The following BIN3 variants were observed in gnomAD, a reference collection of about 807,000 sequenced individuals.
The protein encoded by BIN3 is bridging integrator 3.
Under a neutral mutation model 38.2 loss-of-function variants are expected in BIN3, and 41 were observed. The observed-to-expected ratio is 1.07, with a 90% CI of 0.84 to 1.39. The LOEUF is 1.39. Among genes scored for constraint, BIN3 ranks in the 40% most tolerant of loss-of-function variants. The pLI is 0.00. For synonymous variants in BIN3, 145 were observed against 122.6 expected, an observed-to-expected ratio of 1.18 and a Z score of -1.21; for missense variants, 361 against 324.3, an observed-to-expected ratio of 1.11 and a Z score of -0.87.
intron 1 of BIN3, among the ~76,000 whole-genome samples, chr8:22,660,529 C>T (rs1803198758): frequency 1.3e-5 from 2 of 152,180 alleles, no homozygotes; most frequent in South Asian, 4.1e-4. Flanking sequence ...AGTTTGGCCC[C>T]TAGAAAGCAA....
intron 1 of BIN3, among the ~76,000 whole-genome samples, chr8:22,653,826 A>G (rs2117581156): frequency 6.6e-6 from 1 of 150,548 alleles, no homozygotes; most frequent in South Asian, 2.1e-4. Flanking sequence ...CTGAGGCTGA[A>G]GCTTTGTAAG....
chr8:22,645,460 C>G (rs778848634), intron 1 of BIN3, among the ~76,000 whole-genome samples: 9 of 150,330 alleles, frequency 6.0e-5, no homozygotes, highest in Non-Finnish European at 1.2e-4. Context: ...CTAGCCTGGG[C>G]AACAGAGGGA....
chr8:22,640,895 A>G (rs572508337), intron 2 of BIN3, among the ~76,000 whole-genome samples: 1 of 152,194 alleles, frequency 6.6e-6, no homozygotes, highest in African/African-American at 2.4e-5. Context: ...CGCGTTTTCT[A>G]CTTGGTGCCG....
At chr8:22,656,064 G>C (rs1370601032) in intron 1 of BIN3, among the ~76,000 whole-genome samples, 1 of 152,004 alleles carries the variant, frequency 6.6e-6, no homozygotes, top group Admixed American at 6.5e-5. Context: ...CACTAGCTGT[G>C]TGCTCTCACC....
chr8:22,631,320 C>T (rs1312304558), intron 4 of BIN3, among the ~76,000 whole-genome samples: 2 of 152,142 alleles, frequency 1.3e-5, no homozygotes, highest in East Asian at 3.8e-4. Flanking sequence ...CAGGGCCCTC[C>T]TCCCGGGTCT....
chr8:22,633,141 G>A (rs1233077993), intron 4 of BIN3, among the ~76,000 whole-genome samples: 1 of 152,206 alleles, frequency 6.6e-6, no homozygotes, highest in Non-Finnish European at 1.5e-5. Flanking sequence ...CGCTTCATGT[G>A]AGCAGAGCAG....
At chr8:22,655,000 T>G (rs1005285382) in intron 1 of BIN3, among the ~76,000 whole-genome samples, 1 of 152,270 alleles carries the variant, frequency 6.6e-6, no homozygotes, top group Non-Finnish European at 1.5e-5. Flanking sequence ...CTTTTTCATT[T>G]TAGCCATCCT....
At chr8:22,645,603 CCGCG>C (rs1482570672) in intron 1 of BIN3, among the ~76,000 whole-genome samples, 71 of 134,846 alleles carry the variant, frequency 5.3e-4, no homozygotes, top group African/African-American at 2.5e-3. Flanking sequence ...GGGAAGACAC[CCGCG>C]AGGATGGCAG....
intron 2 of BIN3, among the ~76,000 whole-genome samples, chr8:22,640,235 T>A (rs1802504030): frequency 6.6e-6 from 1 of 151,890 alleles, no homozygotes; most frequent in Middle Eastern, 3.4e-3. Context: ...TGGAGCGCGG[T>A]GGCACAATCT....
chr8:22,651,402 C>T (rs895314588), intron 1 of BIN3, among the ~76,000 whole-genome samples: 1 of 152,246 alleles, frequency 6.6e-6, no homozygotes, highest in African/African-American at 2.4e-5. Flanking sequence ...TCAGCACCAG[C>T]TGTCCCTTCA....
chr8:22,667,619 C>T (rs964439448), intron 1 of BIN3, among the ~76,000 whole-genome samples: 3 of 152,194 alleles, frequency 2.0e-5, no homozygotes, highest in Admixed American at 6.5e-5. Flanking sequence ...TGCCGCTTTG[C>T]CCACCACTAA....
At chr8:22,660,477 A>G (rs1453888848) in intron 1 of BIN3, among the ~76,000 whole-genome samples, 1 of 152,214 alleles carries the variant, frequency 6.6e-6, no homozygotes, top group East Asian at 1.9e-4. Context: ...ATCAGCAATT[A>G]TAAAGAGCTC....
intron 2 of BIN3, among the ~76,000 whole-genome samples, chr8:22,638,909 GC>G (rs1802453327): frequency 6.6e-6 from 1 of 152,130 alleles, no homozygotes; most frequent in Non-Finnish European, 1.5e-5. Flanking sequence ...TCCAGCAAAA[GC>G]TACTCGTAAG....
chr8:22,633,547 A>G (rs890904602), intron 4 of BIN3, among the ~76,000 whole-genome samples: 1 of 152,222 alleles, frequency 6.6e-6, no homozygotes, highest in Non-Finnish European at 1.5e-5. Context: ...AGCACTCTGA[A>G]AGTAGTATGA....
chr8:22,624,797 C>G, intron 6 of BIN3: 1 of 194,648 alleles, frequency 5.1e-6, no homozygotes, highest in Non-Finnish European at 1.0e-5. Flanking sequence ...CAACACCTCA[C>G]TTTTAAAAAG....
In BIN3 at chr8:22,636,941, C is replaced by T; in HGVS notation, c.79G>A (p.Glu27Lys). 2 of 1,613,244 alleles carry T rather than the reference C, an allele frequency of 1.2e-6. No homozygotes were observed. Among genetic ancestry groups the T allele is most frequent in the Non-Finnish European group, 1.7e-6 (2 of 1,179,258 alleles). Residue 27 changes from glutamate to lysine, a missense_variant, in exon 3 of 9, where the codon GAG becomes AAG. Coordinates refer to ENST00000276416, the MANE Select transcript of BIN3 (RefSeq NM_018688.6). Reference sequence around the variant, plus strand: ...ACTCACTGCTGAAGTTTTCCATACTCCCTTTCAAAGTCTCTCTCCACCTGA... The same window carrying T: ...ACTCACTGCTGAAGTTTTCCATACTTCCTTTCAAAGTCTCTCTCCACCTGA... ...PKTVERDFEREYGKLQQLEEQ... is the reference protein window; with the variant it reads ...PKTVERDFERKYGKLQQLEEQ...
intron 4 of BIN3, among the ~76,000 whole-genome samples, chr8:22,634,709 TCACA>T (rs1345481531): frequency 6.6e-6 from 1 of 152,214 alleles, no homozygotes; most frequent in African/African-American, 2.4e-5. Context: ...TGCACTAGGC[TCACA>T]GACAGCCAAG....
intron 5 of BIN3, among the ~76,000 whole-genome samples, chr8:22,630,222 A>C (rs904639214): frequency 1.3e-5 from 2 of 152,200 alleles, no homozygotes; most frequent in African/African-American, 4.8e-5. Context: ...CCCTCACAGT[A>C]AGTAACATGA....
intron 1 of BIN3, 79 bp downstream of exon 1, chr8:22,668,965 G>A: frequency 1.3e-6 from 2 of 1,537,574 alleles, no homozygotes; most frequent in Non-Finnish European, 1.8e-6. Context: ...GGAGGGAGCC[G>A]GGACGCGGCA....
Sources: gnomAD v4.1 joint callset for allele counts (sites outside exome capture counted in the v4.1 genomes callset) on GRCh38, gnomAD v4.1.1 for gene constraint, MANE v1.5 for transcripts, NCBI Gene and HGNC (gene_info 2026-07-23, HGNC 2026-07-21) for gene names.